FANCC: variants seen among roughly 807,000 people sequenced by gnomAD.
FANCC encodes the protein FA complementation group C, also known as Fanconi anemia group C protein.
In FANCC, 55 loss-of-function variants were observed where a neutral mutation model predicts 71.3. That is an observed-to-expected ratio of 0.77 (90% confidence interval 0.62 to 0.97). The LOEUF (loss-of-function observed/expected upper bound fraction) is 0.97, where lower values mean the gene tolerates loss of function less well. Ranked by LOEUF, FANCC falls within the 50% of genes least tolerant of loss-of-function variation. The pLI is 0.00. For missense variants in FANCC, 678 were observed against 670.9 expected (o/e 1.01, Z -0.12); for synonymous variants, 275 against 244.9 (o/e 1.12, Z -1.15).
intron 4 of FANCC, among the ~76,000 whole-genome samples, chr9:95,207,966 T>C (rs769797423): frequency 1.4e-4 from 22 of 151,906 alleles, no homozygotes; most frequent in Non-Finnish European, 2.8e-4. Context: ...GCTCTAACTG[T>C]AGTATTTCAG....
chr9:95,315,972 C>G (rs1235274383), intron 1 of FANCC, among the ~76,000 whole-genome samples: 1 of 152,248 alleles, frequency 6.6e-6, no homozygotes, highest in African/African-American at 2.4e-5. Context: ...CTTCCACAAC[C>G]AGCCAATCAA....
intron 1 of FANCC, among the ~76,000 whole-genome samples, chr9:95,274,771 C>A (rs1051810093): frequency 2.0e-5 from 3 of 152,062 alleles, no homozygotes; most frequent in African/African-American, 7.2e-5. Context: ...AATTAGCAGA[C>A]CATCAAGGAA....
chr9:95,172,186 G>GGCACTTGCATTTACTTT, intron 4 of FANCC, 39 bp from the exon 5 acceptor site: 1 of 1,308,602 alleles, frequency 7.6e-7, no homozygotes, highest in Non-Finnish European at 1.1e-6. Flanking sequence ...TTCTTTAAAA[G>GGCACTTGCATTTACTTT]TAAATGCAAG....
chr9:95,238,603 T>C (rs1444434338), intron 4 of FANCC, among the ~76,000 whole-genome samples: 1 of 152,040 alleles, frequency 6.6e-6, no homozygotes, highest in East Asian at 1.9e-4. Flanking sequence ...TCTCGCTCTG[T>C]CACCCAGGCT....
chr9:95,153,468 G>A (rs1276862893), intron 6 of FANCC, among the ~76,000 whole-genome samples: 2 of 152,140 alleles, frequency 1.3e-5, no homozygotes, highest in East Asian at 3.9e-4. Context: ...CCCACCAGCA[G>A]GTATAAGTGT....
chr9:95,160,428 C>A (rs1830676892), intron 6 of FANCC, among the ~76,000 whole-genome samples: 1 of 152,086 alleles, frequency 6.6e-6, no homozygotes, highest in Non-Finnish European at 1.5e-5. Context: ...TTGGTTACTA[C>A]AGACTTGTAG....
At chr9:95,136,352 C>A (rs1238384278) in intron 7 of FANCC, among the ~76,000 whole-genome samples, 3 of 152,056 alleles carry the variant, frequency 2.0e-5, no homozygotes, top group Admixed American at 6.5e-5. Flanking sequence ...CACTGCACTC[C>A]AACCTGGGCA....
At chr9:95,151,200 C>T (rs1026396160) in intron 6 of FANCC, among the ~76,000 whole-genome samples, 9 of 152,114 alleles carry the variant, frequency 5.9e-5, no homozygotes, top group Non-Finnish European at 8.8e-5. Context: ...ACTCATGGTT[C>T]GCTTCCTCCT....
At chr9:95,192,310 C>A in intron 4 of FANCC, among the ~76,000 whole-genome samples, 1 of 152,244 alleles carries the variant, frequency 6.6e-6, no homozygotes, top group Non-Finnish European at 1.5e-5. Flanking sequence ...ATTTGAGAGA[C>A]AAGCAAGTCT....
At chr9:95,154,020 C>T (rs961371415) in intron 6 of FANCC, among the ~76,000 whole-genome samples, 1 of 151,840 alleles carries the variant, frequency 6.6e-6, no homozygotes, top group African/African-American at 2.4e-5. Context: ...CCGAGGAGGG[C>T]AGATCACCTG....
At chr9:95,115,637 G>C (rs1266507565) in intron 11 of FANCC, among the ~76,000 whole-genome samples, 1 of 152,198 alleles carries the variant, frequency 6.6e-6, no homozygotes, top group Non-Finnish European at 1.5e-5. Flanking sequence ...TGCAGCATCT[G>C]CAAAAGTTTT....
intron 6 of FANCC, among the ~76,000 whole-genome samples, chr9:95,163,405 T>C (rs1194840410): frequency 6.6e-6 from 1 of 152,246 alleles, no homozygotes; most frequent in East Asian, 1.9e-4. Flanking sequence ...AAAATTGTTT[T>C]GGTTACTTGG....
chr9:95,165,747 A>T (rs1831028214), intron 6 of FANCC, among the ~76,000 whole-genome samples: 1 of 152,058 alleles, frequency 6.6e-6, no homozygotes, highest in East Asian at 1.9e-4. Context: ...AAGAGTGTAT[A>T]TTCTGCTGTT....
At chr9:95,141,215 G>A (rs185270913) in intron 7 of FANCC, among the ~76,000 whole-genome samples, 3 of 147,656 alleles carry the variant, frequency 2.0e-5, no homozygotes, top group Non-Finnish European at 1.5e-5. Flanking sequence ...GGGAGGCTGA[G>A]GTCAAAGAAT....
At chr9:95,139,628 G>T (rs1828282666) in intron 7 of FANCC, among the ~76,000 whole-genome samples, 1 of 151,810 alleles carries the variant, frequency 6.6e-6, no homozygotes, top group Non-Finnish European at 1.5e-5. Context: ...TGGTTAAAAA[G>T]CAGGCTCTGG....
intron 8 of FANCC, among the ~76,000 whole-genome samples, chr9:95,133,790 G>A (rs929996914): frequency 6.6e-6 from 1 of 152,196 alleles, no homozygotes. Flanking sequence ...ATCCTAGTAT[G>A]CACATGTAAG....
chr9:95,215,978 A>T (rs2135905966), intron 4 of FANCC, among the ~76,000 whole-genome samples: 1 of 152,386 alleles, frequency 6.6e-6, no homozygotes, highest in East Asian at 1.9e-4. Flanking sequence ...AACAACAGCA[A>T]CTATTATTAA....
rs1057517219 is a variant in FANCC, at chr9:95,240,745, T to A, written c.251-2A>T. 6.4e-7 allele frequency: 1 copy of A among 1,556,722 alleles called. No individual in the cohort carries two copies. The highest frequency in any genetic ancestry group is 8.9e-7 in the Non-Finnish European group (1 of 1,128,684). ...ATATTAGAATTTTTTGGCTTTCATC[T>A]ACAAAAAGGAAAACTTAATAAGTTT... is the stretch of plus-strand genomic sequence containing the variant. On this transcript the variant is annotated splice_acceptor_variant, in intron 3 of 14. Coordinates refer to ENST00000289081, the MANE Select transcript of FANCC (RefSeq NM_000136.3). LOFTEE classifies it high-confidence loss of function.
intron 7 of FANCC, among the ~76,000 whole-genome samples, chr9:95,140,491 CAAAA>C (rs1422730815): frequency 5.3e-5 from 8 of 152,038 alleles, no homozygotes; most frequent in African/African-American, 1.9e-4. Context: ...CAAAACAAAA[CAAAA>C]CAAAACCAGA....
Sources: allele counts gnomAD v4.1 joint callset (sites outside exome capture counted in the v4.1 genomes callset), GRCh38; gene constraint gnomAD v4.1.1; transcripts MANE v1.5; gene names NCBI Gene and HGNC (gene_info 2026-07-23, HGNC 2026-07-21).